The following OTUD7A variants were observed in gnomAD, a reference collection of about 807,000 sequenced individuals.
OTUD7A encodes the protein OTU deubiquitinase 7A, also known as OTU domain-containing protein 7A.
Under a neutral mutation model 65.7 loss-of-function variants are expected in OTUD7A, and 12 were observed. That is an observed-to-expected ratio of 0.18 (90% CI 0.12 to 0.30). OTUD7A has a LOEUF of 0.30. Ranked by LOEUF, OTUD7A falls within the 10% of genes least tolerant of loss-of-function variation. The pLI, the probability that OTUD7A is intolerant of heterozygous loss-of-function variation, is 1.00. For missense variants in OTUD7A, 1,148 were observed against 1,304.8 expected (o/e 0.88, Z 1.85); for synonymous variants, 641 against 586.3 (o/e 1.09, Z -1.35).
At chr15:31,546,001 G>C (rs1888119674) in intron 5 of OTUD7A, among the ~76,000 whole-genome samples, 1 of 152,168 alleles carries the variant, frequency 6.6e-6, no homozygotes, top group Admixed American at 6.5e-5. Context: ...GTGCCAAATA[G>C]TATGTCAAAT....
Position 31,481,704 on chromosome 15 carries a change from T to C in OTUD7A, c.*1590A>G, listed in dbSNP as rs1469693244. The C allele has an allele frequency of 1.3e-5, 2 of 152,460 alleles. No individual in the cohort carries two copies. Among genetic ancestry groups the C allele is most frequent in the Non-Finnish European group, 2.9e-5 (2 of 68,020 alleles). The allele number at this position is 152,460 out of a possible 1,614,324, so 9.4% of individuals were successfully genotyped here. ...ACTCACAGGAGATACTCAATTATTT[T>C]ATTATAATTTCTCAAACAAGTAAAA... On this transcript the variant is annotated 3_prime_UTR_variant, in exon 13 of 13. Coordinates refer to ENST00000307050, the MANE Select transcript of OTUD7A (RefSeq NM_001382637.1).
chr15:31,628,679 T>C (rs1352082426), intron 3 of OTUD7A, among the ~76,000 whole-genome samples: 5 of 152,102 alleles, frequency 3.3e-5, no homozygotes, highest in African/African-American at 1.2e-4. Context: ...TAAATTACCT[T>C]GGGCAGTATG....
intron 3 of OTUD7A, among the ~76,000 whole-genome samples, chr15:31,646,086 G>C (rs373114167): frequency 2.6e-5 from 4 of 152,132 alleles, no homozygotes; most frequent in African/African-American, 9.7e-5. Flanking sequence ...AGTGTTTAAC[G>C]ACATGACTCT....
rs968606120 is a variant in OTUD7A, at chr15:31,498,932, G to C, written c.1171+2758C>G. Among the ~76,000 whole-genome samples, 4 of 152,282 alleles carry C rather than the reference G, an allele frequency of 2.6e-5. No homozygotes were observed. Among genetic ancestry groups the C allele is most frequent in the East Asian group, 1.9e-4 (1 of 5,190 alleles). On this transcript the variant is annotated intron_variant, in intron 10 of 12. Coordinates refer to ENST00000307050, the MANE Select transcript of OTUD7A (RefSeq NM_001382637.1). This position sits in a 1 kb window ranked among gnomAD's most constrained non-coding sequence, Gnocchi z 4.2. Reference sequence around the variant, plus strand: ...TCCCCATGTTGCATGCCTAGCCTGGGAAATGGGAGGATTCCTGAACTTGAA... The same window carrying C: ...TCCCCATGTTGCATGCCTAGCCTGGCAAATGGGAGGATTCCTGAACTTGAA...
At chr15:31,628,159 T>C (rs988730072) in intron 3 of OTUD7A, among the ~76,000 whole-genome samples, 19 of 152,342 alleles carry the variant, frequency 1.2e-4, no homozygotes, top group African/African-American at 4.6e-4. Flanking sequence ...AGACATGAAG[T>C]CCTTGCCCGT....
At chr15:31,632,071 A>G (rs1891180566) in intron 3 of OTUD7A, among the ~76,000 whole-genome samples, 1 of 152,130 alleles carries the variant, frequency 6.6e-6, no homozygotes, top group Admixed American at 6.5e-5. Context: ...GATCGTCTGA[A>G]GCCTTCTTCT....
intron 1 of OTUD7A, among the ~76,000 whole-genome samples, chr15:31,676,349 T>C (rs536688686): frequency 9.3e-4 from 142 of 152,188 alleles, no homozygotes; most frequent in African/African-American, 3.3e-3. Flanking sequence ...ACGGGCTTAA[T>C]ACATGGGCTG....
intron 1 of OTUD7A, among the ~76,000 whole-genome samples, chr15:31,796,186 CATT>C (rs1895951553): frequency 1.1e-5 from 1 of 94,546 alleles, no homozygotes; most frequent in Non-Finnish European, 2.1e-5. Context: ...TGTATCTATG[CATT>C]ATCTATCTAT....
chr15:31,589,229 T>C (rs1889642672), intron 3 of OTUD7A, among the ~76,000 whole-genome samples: 1 of 152,006 alleles, frequency 6.6e-6, no homozygotes, highest in South Asian at 2.1e-4. Context: ...AGAAGAGATA[T>C]CAAAATAGCC....
chr15:31,631,026 C>T (rs1223691658), intron 3 of OTUD7A, among the ~76,000 whole-genome samples: 1 of 152,272 alleles, frequency 6.6e-6, no homozygotes, highest in African/African-American at 2.4e-5. Context: ...ACTGATGGGT[C>T]TTGACTCTTT....
intron 10 of OTUD7A, among the ~76,000 whole-genome samples, chr15:31,490,491 T>C (rs2041304271): frequency 6.6e-6 from 1 of 152,204 alleles, no homozygotes; most frequent in Non-Finnish European, 1.5e-5. Context: ...AATTCACAAC[T>C]TATCTTTAAC....
chr15:31,703,279 GAA>G (rs1893255073), intron 1 of OTUD7A, among the ~76,000 whole-genome samples: 1 of 152,138 alleles, frequency 6.6e-6, no homozygotes, highest in African/African-American at 2.4e-5. Flanking sequence ...TTTGTTCTGT[GAA>G]AGAGAGTAAA....
intron 2 of OTUD7A, among the ~76,000 whole-genome samples, chr15:31,655,868 C>CT (rs1291931501): frequency 2.6e-5 from 4 of 152,208 alleles, no homozygotes; most frequent in African/African-American, 9.6e-5. Flanking sequence ...TTCTAATCCT[C>CT]TTCCGAATTG....
At chr15:31,510,518 A>G (rs1566891625) in intron 8 of OTUD7A, among the ~76,000 whole-genome samples, 4 of 143,910 alleles carry the variant, frequency 2.8e-5, no homozygotes, top group East Asian at 2.0e-4. Flanking sequence ...ATATATATGT[A>G]TATCTATATG....
intron 3 of OTUD7A, chr15:31,649,766 G>GA (rs1484871374): frequency 4.5e-6 from 2 of 446,392 alleles, no homozygotes; most frequent in Non-Finnish European, 9.1e-6. Flanking sequence ...GTGCAGCCGG[G>GA]ACCCCTGGAC....
Position 31,602,036 on chromosome 15 carries a change from C to T in OTUD7A, c.152-31839G>A, listed in dbSNP as rs573146358. On this transcript the variant is annotated intron_variant, in intron 3 of 12. Coordinates refer to ENST00000307050, the MANE Select transcript of OTUD7A (RefSeq NM_001382637.1). The stretch of plus-strand genomic sequence containing the variant: ...ATTCTACCAAAGGTACAAAGAGGAG[C>T]TGGTACCATTCCTTCTGAAACTATT... 5.9e-5 allele frequency among the ~76,000 whole-genome samples: 9 copies of T among 152,274 alleles called. No individual in the cohort carries two copies. The South Asian group carries it at 1.7e-3, about 28-fold the overall frequency.
At chr15:31,822,152 T>C (rs940187342) in intron 1 of OTUD7A, among the ~76,000 whole-genome samples, 1 of 152,244 alleles carries the variant, frequency 6.6e-6, no homozygotes, top group Non-Finnish European at 1.5e-5. Context: ...TCCTGGTCTT[T>C]TGGTATCGTA....
intron 12 of OTUD7A, among the ~76,000 whole-genome samples, chr15:31,486,186 C>G (rs1031947853): frequency 2.0e-5 from 3 of 152,196 alleles, no homozygotes; most frequent in Non-Finnish European, 2.9e-5. Context: ...TTCTACATCT[C>G]GAGCCACTGC....
rs114698357 is a variant in OTUD7A at position 31,783,836 on chromosome 15, G to A, written c.-100+86671C>T. ...TTTTTCAGACACTGGTGTCTGGCAA[G>A]CATCCTCTTGAAAATGAATGTAGTG... On this transcript the variant is annotated intron_variant, in intron 1 of 12. Coordinates refer to ENST00000307050, the MANE Select transcript of OTUD7A (RefSeq NM_001382637.1). Among the ~76,000 whole-genome samples, 928 of 152,290 alleles carry A rather than the reference G, an allele frequency of 6.1e-3. 12 individuals carry two copies. The highest frequency in any genetic ancestry group is 0.022 in the African/African-American group (896 of 41,558).
Sources: gnomAD v4.1 joint callset for allele counts (sites outside exome capture counted in the v4.1 genomes callset) on GRCh38, gnomAD v4.1.1 for gene constraint, Gnocchi (gnomAD v3.1) non-coding constraint, MANE v1.5 for transcripts, NCBI Gene and HGNC (gene_info 2026-07-23, HGNC 2026-07-21) for gene names.